LEMD2: variants seen among roughly 807,000 people sequenced by gnomAD.
LEMD2 encodes the protein LEM domain-containing protein 2.
Under a neutral mutation model 58.8 loss-of-function variants are expected in LEMD2, and 34 were observed. The ratio of observed to expected loss-of-function variants is 0.58; its 90% CI spans 0.44 to 0.77. The LOEUF is 0.77. Among genes scored for constraint, LEMD2 ranks in the 30% least tolerant of loss-of-function variants. LEMD2 has a pLI of 0.00. For synonymous variants in LEMD2, 298 were observed against 308.9 expected, an observed-to-expected ratio of 0.96 and a Z score of 0.37; for missense variants, 629 against 717.9, an observed-to-expected ratio of 0.88 and a Z score of 1.42.
rs943479 is a variant in LEMD2, at chr6:33,784,236, A to G, written c.853+116T>C. The G allele has an allele frequency of 0.55, 453,951 of 825,382 alleles. 129,007 individuals carry two copies. The highest frequency in any genetic ancestry group is 0.82 in the East Asian group (33,404 of 40,764). 51.1% of individuals were successfully genotyped at this position (825,382 alleles called of 1,614,324 possible). On this transcript the variant is annotated intron_variant, in intron 3 of 8. Transcript: ENST00000293760. ...ACTCGGCTTCTGAATATGCCTTCTG[A>G]GAGACAACCAGGGAGTGTCTCGCTG... is the stretch of plus-strand genomic sequence containing the variant.
rs751116421 is a variant in LEMD2, at chr6:33,788,344, C to CGCCCAGGGCCCTCCCCTGCGCCG, written c.736+14_736+36dup. The stretch of plus-strand genomic sequence containing the variant: ...GGGGGTCCTCCGGCGGACACACGCG[C>CGCCCAGGGCCCTCCCCTGCGCCG]GCCCAGGGCCCTCCCCTGCGCCGGC... On this transcript the variant is annotated intron_variant, in intron 1 of 8. Transcript: ENST00000293760. 2.0e-6 allele frequency: 3 copies of CGCCCAGGGCCCTCCCCTGCGCCG among 1,508,706 alleles called. No individual in the cohort carries two copies. In the South Asian group the frequency reaches 3.6e-5, roughly 18 times the overall value. The allele number at this position is 1,508,706 out of a possible 1,614,324, so 93.5% of individuals were successfully genotyped here.
chr6:33,777,307 A>G (rs1489782512), intron 6 of LEMD2, 68 bp from the exon 7 acceptor site: 26 of 1,043,758 alleles, frequency 2.5e-5, no homozygotes. Context: ...CATGGACAAG[A>G]TGCTGTGATG....
Position 33,778,326 on chromosome 6 carries a change from A to G in LEMD2, c.1072T>C (p.Ser358Pro). The G allele has an allele frequency of 6.2e-7, 1 of 1,607,818 alleles. No individual in the cohort carries two copies. The highest frequency in any genetic ancestry group is 8.5e-7 in the Non-Finnish European group (1 of 1,176,546). The change falls in exon 6 of 9, where the codon TCT becomes CCT. Residue 358 changes from serine to proline, a missense_variant. Physicochemically the swap from Ser to Pro is moderately conservative, Grantham distance 74. Coordinates refer to ENST00000293760, the MANE Select transcript of LEMD2 (RefSeq NM_181336.4). This position sits in a 1 kb window ranked among gnomAD's most constrained non-coding sequence, Gnocchi z 4.7. ...TTVDKVVCLE[S>P]AHPRMGVGCR... ...CCAACACCCATGCGGGGGTGGGCAG[A>G]TTCCAGGCAGACCACCTTGTCCACA...
chr6:33,775,386 T>G (rs1413567393), intron 8 of LEMD2, among the ~76,000 whole-genome samples: 1 of 152,186 alleles, frequency 6.6e-6, no homozygotes, highest in Non-Finnish European at 1.5e-5. Flanking sequence ...GGCATAGTTA[T>G]AGCTCACTGT....
intron 8 of LEMD2, among the ~76,000 whole-genome samples, chr6:33,774,953 A>C (rs1767394553): frequency 6.7e-6 from 1 of 148,328 alleles, no homozygotes; most frequent in Admixed American, 6.9e-5. Flanking sequence ...GGTGCTCAAT[A>C]AACATTTGTG....
chr6:33,777,080 A>G, intron 7 of LEMD2, 24 bp from the exon 8 acceptor site: 1 of 1,611,858 alleles, frequency 6.2e-7, no homozygotes, highest in Non-Finnish European at 8.5e-7. Context: ...CACACCATTT[A>G]GGGCAAGGAC....
At chr6:33,782,397 C>G (rs965364976) in intron 3 of LEMD2, among the ~76,000 whole-genome samples, 1 of 152,228 alleles carries the variant, frequency 6.6e-6, no homozygotes, top group South Asian at 2.1e-4. Flanking sequence ...CTCTGGTGGC[C>G]TGGCATCCAA....
rs1343367942 is a variant in LEMD2 at position 33,780,085 on chromosome 6, C to T, written c.1010+15G>A. ...GCAGGCACCCATGCTGCGTCGCCAC[C>T]CTGCCCACACTCACCAGATGCCCAC... On this transcript the variant is annotated intron_variant, in intron 5 of 8. Transcript: ENST00000293760. The T allele has an allele frequency of 1.3e-6, 2 of 1,576,766 alleles. No homozygotes were observed. The highest frequency in any genetic ancestry group is 1.3e-5 in the African/African-American group (1 of 74,230).
At chr6:33,784,025 C>T (rs189171015) in intron 3 of LEMD2, among the ~76,000 whole-genome samples, 3 of 152,330 alleles carry the variant, frequency 2.0e-5, no homozygotes, top group Non-Finnish European at 4.4e-5. Context: ...GGGGCTTGGC[C>T]CCTTCCCATG....
At chr6:33,786,811 G>A in intron 1 of LEMD2, 37 bp from the exon 2 acceptor site, 2 of 1,612,118 alleles carry the variant, frequency 1.2e-6, no homozygotes, top group East Asian at 4.5e-5. Flanking sequence ...GAAATTAAGT[G>A]TGGGTTGAGA....
intron 8 of LEMD2, chr6:33,776,729 C>T (rs1226497605): frequency 7.0e-6 from 4 of 573,942 alleles, no homozygotes; most frequent in Non-Finnish European, 9.4e-6. Context: ...GTTCTCTCTA[C>T]AGAGGTGTGG....
intron 3 of LEMD2, 124 bp downstream of exon 3, chr6:33,784,228 G>T: frequency 1.3e-6 from 1 of 782,858 alleles, no homozygotes. Context: ...TTCTGAATAT[G>T]CCTTCTGAGA....
chr6:33,773,983 G>A (rs1369203528), intron 8 of LEMD2, among the ~76,000 whole-genome samples: 1 of 152,182 alleles, frequency 6.6e-6, no homozygotes, highest in Non-Finnish European at 1.5e-5. Context: ...CTGAGGGCCG[G>A]CTACCTGAGT....
At chr6:33,784,733 G>T (rs551826896) in intron 2 of LEMD2, 188 of 296,392 alleles carry the variant, frequency 6.3e-4, no homozygotes, top group Non-Finnish European at 1.1e-3. Flanking sequence ...GCCATTAAGA[G>T]GGCTGAGCAG....
chr6:33,772,785 T>C lies in LEMD2; in HGVS notation c.1362-7A>G. The C allele has an allele frequency of 6.2e-7, 1 of 1,612,398 alleles. No individual in the cohort carries two copies. ...GACACGCTTCATGCGCCTCCTGCAA[T>C]GAGAGGGACGGGGCTCTGCCTGGCA... On this transcript the variant is annotated splice_polypyrimidine_tract_variant and splice_region_variant and intron_variant, in intron 8 of 8. Transcript: ENST00000293760.
intron 8 of LEMD2, among the ~76,000 whole-genome samples, chr6:33,773,850 A>C (rs1009056759): frequency 3.9e-5 from 6 of 152,182 alleles, no homozygotes; most frequent in African/African-American, 1.2e-4. Context: ...TACAGGGCAG[A>C]CCTGACTGGC....
At chr6:33,784,918 T>C (rs1237408186) in intron 2 of LEMD2, among the ~76,000 whole-genome samples, 2 of 152,186 alleles carry the variant, frequency 1.3e-5, no homozygotes, top group Non-Finnish European at 2.9e-5. Context: ...AGCCCTCATC[T>C]GAGTAAGGAT....
At chr6:33,782,757 G>T (rs904711944) in intron 3 of LEMD2, among the ~76,000 whole-genome samples, 1 of 152,226 alleles carries the variant, frequency 6.6e-6, no homozygotes, top group African/African-American at 2.4e-5. Context: ...GCAGGACCTG[G>T]AGCTGAGTCA....
intron 8 of LEMD2, among the ~76,000 whole-genome samples, chr6:33,775,991 C>G (rs372439154): frequency 4.1e-4 from 62 of 152,258 alleles, no homozygotes; most frequent in African/African-American, 1.3e-3. Context: ...CTGGGGGGGG[C>G]CCTGCTGGCT....
Sources: allele counts gnomAD v4.1 joint callset (sites outside exome capture counted in the v4.1 genomes callset), GRCh38; gene constraint gnomAD v4.1.1; non-coding constraint Gnocchi (gnomAD v3.1); transcripts MANE v1.5; gene names NCBI Gene and HGNC (gene_info 2026-07-23, HGNC 2026-07-21).